PRKCB: variants seen among roughly 807,000 people sequenced by gnomAD.
PRKCB encodes protein kinase C beta type.
Under a neutral mutation model 81.5 loss-of-function variants are expected in PRKCB, and 13 were observed. The observed-to-expected ratio is 0.16, with a 90% CI of 0.10 to 0.25. PRKCB has a LOEUF of 0.25. Among genes scored for constraint, PRKCB ranks in the 10% least tolerant of loss-of-function variants. The probability of loss-of-function intolerance (pLI) is 1.00; values close to 1 mark genes in which losing one functional copy is unlikely to be tolerated. For synonymous variants in PRKCB, 335 were observed against 321.4 expected (o/e 1.04, Z -0.45); for missense variants, 509 against 875.7 (o/e 0.58, Z 5.29).
chr16:24,094,019 C>A, intron 6 of PRKCB, 144 bp from the exon 7 acceptor site: 2 of 956,412 alleles, frequency 2.1e-6, no homozygotes, highest in Non-Finnish European at 1.5e-6. Context: ...GGAGAGCTAG[C>A]CTGGGATGGA....
intron 9 of PRKCB, among the ~76,000 whole-genome samples, chr16:24,149,600 C>T (rs56799070): frequency 6.9e-4 from 105 of 152,268 alleles, no homozygotes; most frequent in African/African-American, 2.4e-3. Flanking sequence ...TATTAAAATG[C>T]AGACTCCCAG....
chr16:23,971,760 A>G (rs1165174162), intron 2 of PRKCB, among the ~76,000 whole-genome samples: 1 of 152,160 alleles, frequency 6.6e-6, no homozygotes, highest in Non-Finnish European at 1.5e-5. Flanking sequence ...AAATGTCTTT[A>G]ATTGAACATC....
At chr16:24,042,133 T>C (rs180945618) in intron 5 of PRKCB, among the ~76,000 whole-genome samples, 161 of 152,296 alleles carry the variant, frequency 1.1e-3, no homozygotes, top group Non-Finnish European at 1.8e-3. Flanking sequence ...GGTAAACTTG[T>C]GTCATGGGGG....
At chr16:23,954,032 C>A (rs1402910654) in intron 2 of PRKCB, among the ~76,000 whole-genome samples, 1 of 151,844 alleles carries the variant, frequency 6.6e-6, no homozygotes, top group Non-Finnish European at 1.5e-5. Context: ...CCATGCCCGG[C>A]TAATTTTTTT....
At chr16:24,207,482 G>A (rs138394649) in intron 16 of PRKCB, among the ~76,000 whole-genome samples, 42 of 152,174 alleles carry the variant, frequency 2.8e-4, no homozygotes, top group East Asian at 2.7e-3. Flanking sequence ...CAGATATTAC[G>A]TATACATTTG....
intron 5 of PRKCB, among the ~76,000 whole-genome samples, chr16:24,066,802 C>A (rs1723371776): frequency 6.6e-6 from 1 of 152,124 alleles, no homozygotes; most frequent in Admixed American, 6.5e-5. Context: ...GGTAGAATGT[C>A]CATCCACTTG....
intron 2 of PRKCB, among the ~76,000 whole-genome samples, chr16:23,929,979 T>A (rs1182648567): frequency 6.6e-6 from 1 of 152,064 alleles, no homozygotes; most frequent in Non-Finnish European, 1.5e-5. Context: ...TGTAACATTT[T>A]ATATGTGTAA....
chr16:24,153,773 A>C lies in PRKCB; in HGVS notation c.1066-911A>C, dbSNP rs555091483. The stretch of plus-strand genomic sequence containing the variant: ...GAAGGAAGCCCCAAGACAACAGGAG[A>C]GGCTGTTAAAATATTAAATTAATCA... On this transcript the variant is annotated intron_variant, in intron 9 of 16. Transcript: ENST00000643927. Among the ~76,000 whole-genome samples, 23 of 152,340 alleles carry C rather than the reference A, an allele frequency of 1.5e-4. No individual in the cohort carries two copies. In the East Asian group the frequency reaches 4.4e-3, roughly 29 times the overall value.
At chr16:23,988,445 T>C in intron 2 of PRKCB, 63 bp from the exon 3 acceptor site, 1 of 1,353,222 alleles carries the variant, frequency 7.4e-7, no homozygotes, top group Non-Finnish European at 1.1e-6. Context: ...CCTCCCTTTC[T>C]CTCTCTTCCT....
At chr16:24,021,039 T>TCC (rs1965366163) in intron 3 of PRKCB, among the ~76,000 whole-genome samples, 1 of 82,844 alleles carries the variant, frequency 1.2e-5, no homozygotes, top group African/African-American at 4.1e-5. Flanking sequence ...TTTCTTTCTT[T>TCC]CTCTTTCTTT....
At chr16:23,935,886 G>T (rs1243718268) in intron 2 of PRKCB, among the ~76,000 whole-genome samples, 1 of 152,080 alleles carries the variant, frequency 6.6e-6, no homozygotes, top group African/African-American at 2.4e-5. Flanking sequence ...TAGAGGGAGG[G>T]GTGGGTTTAA....
At chr16:23,873,202 A>G (rs11647862) in intron 2 of PRKCB, among the ~76,000 whole-genome samples, 39,362 of 82,782 alleles carry the variant, frequency 0.48, 8,508 homozygotes, top group East Asian at 0.67. Context: ...AAAAAAAAAA[A>G]AAAAAAAGAA....
At chr16:24,123,741 T>C in intron 8 of PRKCB, 94 bp from the exon 9 acceptor site, 1 of 1,352,120 alleles carries the variant, frequency 7.4e-7, no homozygotes, top group Non-Finnish European at 1.0e-6. Flanking sequence ...GTGCCGGAGC[T>C]GCAGGAACTA....
chr16:23,868,955 A>G (rs568637360), intron 2 of PRKCB, among the ~76,000 whole-genome samples: 2 of 152,352 alleles, frequency 1.3e-5, no homozygotes, highest in South Asian at 4.1e-4. Context: ...ATGCCTGTGT[A>G]TTGAGCTTGA....
chr16:23,904,314 T>C (rs558028223), intron 2 of PRKCB, among the ~76,000 whole-genome samples: 4 of 152,308 alleles, frequency 2.6e-5, no homozygotes, highest in Non-Finnish European at 5.9e-5. Context: ...GGGGTGATAA[T>C]AGCATCTATC....
In PRKCB at chr16:24,203,746, C is replaced by T. The variant is rs187421634; in HGVS notation, c.1864-10912C>T. On this transcript the variant is annotated intron_variant, in intron 16 of 16. Coordinates refer to ENST00000643927, the MANE Select transcript of PRKCB (RefSeq NM_002738.7). ...TTAAAAATAACCACAAAATGCCCCCCCAAATGGCATATGGAAAACAGCACA... is the reference window on the plus strand; with the variant it reads ...TTAAAAATAACCACAAAATGCCCCCTCAAATGGCATATGGAAAACAGCACA... Among the ~76,000 whole-genome samples, 241 of 152,296 alleles carry T rather than the reference C, an allele frequency of 1.6e-3. 1 individual carries two copies. The highest frequency in any genetic ancestry group is 5.6e-3 in the African/African-American group (233 of 41,558).
intron 2 of PRKCB, among the ~76,000 whole-genome samples, chr16:23,959,395 A>G (rs1420901622): frequency 4.6e-5 from 7 of 152,304 alleles, no homozygotes; most frequent in Non-Finnish European, 1.5e-5. Flanking sequence ...TCCTAGCTCC[A>G]TTTGATCTTC....
At chr16:24,119,712 C>G (rs1396217328) in intron 8 of PRKCB, among the ~76,000 whole-genome samples, 1 of 152,232 alleles carries the variant, frequency 6.6e-6, no homozygotes, top group East Asian at 1.9e-4. Context: ...CTGTCCTACC[C>G]TGGCTCTTTT....
intron 2 of PRKCB, among the ~76,000 whole-genome samples, chr16:23,978,265 C>A (rs912711785): frequency 6.6e-6 from 1 of 152,238 alleles, no homozygotes; most frequent in Non-Finnish European, 1.5e-5. Flanking sequence ...AGGGCATATG[C>A]CCCTCAGTTC....
Sources: gnomAD v4.1 joint callset for allele counts (sites outside exome capture counted in the v4.1 genomes callset) on GRCh38, gnomAD v4.1.1 for gene constraint, MANE v1.5 for transcripts, NCBI Gene and HGNC (gene_info 2026-07-23, HGNC 2026-07-21) for gene names.